Variants in CHTF8 observed in about 807,000 individuals in gnomAD.
The protein encoded by CHTF8 is chromosome transmission fidelity factor 8.
A neutral mutation model predicts 11.0 loss-of-function variants in CHTF8; 6 were observed. The ratio of observed to expected loss-of-function variants is 0.55; its 90% confidence interval spans 0.30 to 1.08. CHTF8 has a LOEUF of 1.08. CHTF8 is among the 50% of genes least tolerant of loss of function. The probability of loss-of-function intolerance (pLI) is 0.07; values close to 1 mark genes in which losing one functional copy is unlikely to be tolerated. For synonymous variants in CHTF8, 53 were observed against 60.5 expected, an observed-to-expected ratio of 0.88 and a Z score of 0.57; for missense variants, 140 against 153.1, an observed-to-expected ratio of 0.91 and a Z score of 0.45.
chr16:69,130,123 C>G (rs1055835538), intron 1 of CHTF8, among the ~76,000 whole-genome samples: 1 of 152,144 alleles, frequency 6.6e-6, no homozygotes, highest in Non-Finnish European at 1.5e-5. Flanking sequence ...TACTGTCTTA[C>G]AGAGAACAGA....
Position 69,120,782 on chromosome 16 carries a change from GC to G in CHTF8, c.142-134del. 1.2e-6 allele frequency: 1 copy of G among 807,134 alleles called. No individual in the cohort carries two copies. The highest frequency in any genetic ancestry group is 2.0e-6 in the Non-Finnish European group (1 of 493,204). 50.0% of individuals were successfully genotyped at this position (807,134 alleles called of 1,614,324 possible). On this transcript the variant is annotated intron_variant, in intron 3 of 3. Transcript: ENST00000448552. This position sits in a 1 kb window ranked among gnomAD's most constrained non-coding sequence, Gnocchi z 4.0. ...GGTCTGGCTCTGCCATTGTTGAGCA[GC>G]CACACTGGACCACCCACCCATGTGC...
At chr16:69,129,681 C>T (rs368721760) in intron 1 of CHTF8, among the ~76,000 whole-genome samples, 1 of 152,170 alleles carries the variant, frequency 6.6e-6, no homozygotes, top group Non-Finnish European at 1.5e-5. Context: ...TGAACCCTAA[C>T]CCCTCCACAA....
intron 1 of CHTF8, among the ~76,000 whole-genome samples, chr16:69,127,711 G>C (rs1160857783): frequency 6.7e-6 from 1 of 148,730 alleles, no homozygotes; most frequent in Admixed American, 6.8e-5. Context: ...CCAGGTTCAA[G>C]TGATTCTCCT....
At chr16:69,126,855 C>T (rs745784743) in intron 1 of CHTF8, among the ~76,000 whole-genome samples, 1 of 152,160 alleles carries the variant, frequency 6.6e-6, no homozygotes, top group Non-Finnish European at 1.5e-5. Context: ...ACAACTGTTT[C>T]TAGGGCACAG....
At chr16:69,129,429 CAA>C (rs11420871) in intron 1 of CHTF8, among the ~76,000 whole-genome samples, 7,848 of 75,256 alleles carry the variant, frequency 0.1, 80 homozygotes, top group African/African-American at 0.16. Flanking sequence ...GACTCCGTCA[CAA>C]AAAAAAAAAA....
At position 69,118,667 on chromosome 16, in the gene CHTF8, C is replaced by T. The variant is rs1961360330; in HGVS notation, c.*1758G>A. ...AGGATTATTCCCACCTGCCACAGTT[C>T]ACATGCCACAAATAACATCTCACCT... On this transcript the variant is annotated 3_prime_UTR_variant, in exon 4 of 4. Coordinates refer to ENST00000448552, the MANE Select transcript of CHTF8 (RefSeq NM_001039690.5). The T allele has an allele frequency of 1.5e-6, 1 of 684,036 alleles. No homozygotes were observed. Among genetic ancestry groups the T allele is most frequent in the African/African-American group, 1.8e-5 (1 of 56,292 alleles). The allele number at this position is 684,036 out of a possible 1,614,324, so 42.4% of individuals were successfully genotyped here. A position where few individuals can be genotyped will look rare whatever the true frequency, so the allele number is the denominator to read the frequency against.
In CHTF8 at chr16:69,118,193, G is replaced by A; in HGVS notation, c.*2232C>T. On this transcript the variant is annotated 3_prime_UTR_variant, in exon 4 of 4. Coordinates refer to ENST00000448552, the MANE Select transcript of CHTF8 (RefSeq NM_001039690.5). ...AATTTTGAGGTTCTTTGATTGATTG[G>A]GAGTACCAGTGAAGAGGGAGTTGGA... The A allele has an allele frequency of 2.2e-6, 1 of 454,392 alleles. No individual in the cohort carries two copies. The highest frequency in any genetic ancestry group is 2.0e-5 in the South Asian group (1 of 49,688). 28.1% of individuals were successfully genotyped at this position (454,392 alleles called of 1,614,324 possible). A position where few individuals can be genotyped will look rare whatever the true frequency, so the allele number is the denominator to read the frequency against.
rs762832501 is a variant in CHTF8 at position 69,119,647 on chromosome 16, G to C, written c.*778C>G. Reference sequence around the variant, plus strand: ...TCCAGCCATTCTTAAGTTAAGACCAGATCCTGTGCCCAAGAGGCCACCTGC... The same window carrying C: ...TCCAGCCATTCTTAAGTTAAGACCACATCCTGTGCCCAAGAGGCCACCTGC... On this transcript the variant is annotated 3_prime_UTR_variant, in exon 4 of 4. Coordinates refer to ENST00000448552, the MANE Select transcript of CHTF8 (RefSeq NM_001039690.5). 39 of 680,666 alleles carry C rather than the reference G, an allele frequency of 5.7e-5. No homozygotes were observed. The highest frequency in any genetic ancestry group is 2.1e-5 in the Admixed American group (1 of 46,636). 42.2% of individuals were successfully genotyped at this position (680,666 alleles called of 1,614,324 possible).
intron 1 of CHTF8, among the ~76,000 whole-genome samples, chr16:69,122,286 A>T (rs1961729659): frequency 6.6e-6 from 1 of 152,214 alleles, no homozygotes; most frequent in African/African-American, 2.4e-5. Flanking sequence ...ACTAAGGAAA[A>T]GATGATATGA....
intron 1 of CHTF8, among the ~76,000 whole-genome samples, chr16:69,125,247 A>T (rs1961974611): frequency 6.6e-6 from 1 of 152,108 alleles, no homozygotes; most frequent in Non-Finnish European, 1.5e-5. Flanking sequence ...AGCAGCTAAC[A>T]TGTTTTGAAT....
intron 1 of CHTF8, among the ~76,000 whole-genome samples, chr16:69,123,908 T>A: frequency 7.8e-6 from 1 of 127,454 alleles, no homozygotes; most frequent in African/African-American, 3.1e-5. Context: ...GCCAACATGA[T>A]GAAACCCCAT....
chr16:69,126,186 G>A (rs965061862), intron 1 of CHTF8, among the ~76,000 whole-genome samples: 7 of 152,140 alleles, frequency 4.6e-5, no homozygotes, highest in South Asian at 2.1e-4. Flanking sequence ...ATAGGTACAC[G>A]GTATATTCTA....
Position 69,131,835 on chromosome 16 carries a change from G to A in CHTF8, c.-36+649C>T, listed in dbSNP as rs1464674189. 2.7e-5 allele frequency among the ~76,000 whole-genome samples: 4 copies of A among 150,862 alleles called. No individual in the cohort carries two copies. In the South Asian group the frequency reaches 6.3e-4, roughly 24 times the overall value. On this transcript the variant is annotated intron_variant, in intron 1 of 3. Coordinates refer to ENST00000448552, the MANE Select transcript of CHTF8 (RefSeq NM_001039690.5). ...ACTCCTCCAGGACCCCACCCCACTC[G>A]TCTCTCGGCTTCCCTCCCACAAAAG...
intron 1 of CHTF8, among the ~76,000 whole-genome samples, chr16:69,122,380 T>C (rs1961739435): frequency 6.6e-6 from 1 of 151,886 alleles, no homozygotes; most frequent in African/African-American, 2.4e-5. Context: ...TTTTTTTTTT[T>C]TCTTTTTCTT....
rs968445391 is a variant in CHTF8, at chr16:69,118,456, G to A, written c.*1969C>T. 2 of 1,594,096 alleles carry A rather than the reference G, an allele frequency of 1.3e-6. No individual in the cohort carries two copies. Among genetic ancestry groups the A allele is most frequent in the African/African-American group, 2.7e-5 (2 of 74,544 alleles). ...TTCACCAACGCCACGTTTCTAGAGAGCAGTGAGCTGATTCTCCAATGGTGA... is the reference window on the plus strand; with the variant it reads ...TTCACCAACGCCACGTTTCTAGAGAACAGTGAGCTGATTCTCCAATGGTGA... On this transcript the variant is annotated 3_prime_UTR_variant, in exon 4 of 4. Coordinates refer to ENST00000448552, the MANE Select transcript of CHTF8 (RefSeq NM_001039690.5).
rs181532294 is a variant in CHTF8 at position 69,119,664 on chromosome 16, G to A, written c.*761C>T. 4.4e-6 allele frequency: 3 copies of A among 675,222 alleles called. No homozygotes were observed. The highest frequency in any genetic ancestry group is 5.4e-5 in the East Asian group (2 of 36,888). The allele number at this position is 675,222 out of a possible 1,614,324, so 41.8% of individuals were successfully genotyped here. ...TAAGACCAGATCCTGTGCCCAAGAG[G>A]CCACCTGCTCTGGCATCTAGATTAG... On this transcript the variant is annotated 3_prime_UTR_variant, in exon 4 of 4. Coordinates refer to ENST00000448552, the MANE Select transcript of CHTF8 (RefSeq NM_001039690.5).
intron 1 of CHTF8, chr16:69,132,063 C>G (rs1177598563): frequency 6.5e-6 from 1 of 153,846 alleles, no homozygotes; most frequent in Non-Finnish European, 1.4e-5. Context: ...CTCCCAACCC[C>G]GGGAAGAGCC....
Position 69,130,784 on chromosome 16 carries a change from ATAT to A in CHTF8, c.-36+1697_-36+1699del. ...TGTCTTAATACTACACTGTGTTAGC[ATAT>A]TAATGTTTATAACGGACTAAAGCAT... On this transcript the variant is annotated intron_variant, in intron 1 of 3. Transcript: ENST00000448552. Among the ~76,000 whole-genome samples, 3 of 152,368 alleles carry A rather than the reference ATAT, an allele frequency of 2.0e-5. No homozygotes were observed. In the East Asian group the frequency reaches 5.8e-4, roughly 29 times the overall value.
In CHTF8 at chr16:69,118,638, G is replaced by A. The variant is rs1961357936; in HGVS notation, c.*1787C>T. 1.4e-6 allele frequency: 1 copy of A among 700,690 alleles called. No individual in the cohort carries two copies. 43.4% of individuals were successfully genotyped at this position (700,690 alleles called of 1,614,324 possible). On this transcript the variant is annotated 3_prime_UTR_variant, in exon 4 of 4. Transcript: ENST00000448552. ...GGAGGCTGGAGATCCTTTCTCTCAA[G>A]GGCAGGATTATTCCCACCTGCCACA... is the stretch of plus-strand genomic sequence containing the variant.
Sources: allele counts gnomAD v4.1 joint callset (sites outside exome capture counted in the v4.1 genomes callset), GRCh38; gene constraint gnomAD v4.1.1; non-coding constraint Gnocchi (gnomAD v3.1); transcripts MANE v1.5; gene names NCBI Gene and HGNC (gene_info 2026-07-23, HGNC 2026-07-21).